The following ANKRD6 variants were observed in gnomAD, a reference collection of about 807,000 sequenced individuals.
ANKRD6 encodes ankyrin repeat domain-containing protein 6.
ANKRD6 carries 56 observed loss-of-function variants against 82.3 expected under a neutral mutation model. The ratio of observed to expected loss-of-function variants is 0.68; its 90% CI spans 0.55 to 0.85. The LOEUF (loss-of-function observed/expected upper bound fraction) is 0.85. ANKRD6 is among the 40% of genes least tolerant of loss of function. The pLI is 0.00. For missense variants in ANKRD6, 852 were observed against 907.6 expected, an observed-to-expected ratio of 0.94 and a Z score of 0.79; for synonymous variants, 347 against 352.1, an observed-to-expected ratio of 0.99 and a Z score of 0.16.
chr6:89,446,732 C>T (rs1352561266), intron 1 of ANKRD6, among the ~76,000 whole-genome samples: 1 of 152,194 alleles, frequency 6.6e-6, no homozygotes, highest in Non-Finnish European at 1.5e-5. Flanking sequence ...ACCCAAATCT[C>T]ATCTTGAACT....
intron 1 of ANKRD6, among the ~76,000 whole-genome samples, chr6:89,495,470 G>A (rs1339168044): frequency 2.0e-5 from 3 of 152,126 alleles, no homozygotes; most frequent in Admixed American, 2.0e-4. Context: ...CTCTTTTGAT[G>A]GGCTCACCTC....
intron 1 of ANKRD6, among the ~76,000 whole-genome samples, chr6:89,443,807 G>A (rs578063767): frequency 2.0e-5 from 3 of 152,222 alleles, no homozygotes; most frequent in Non-Finnish European, 4.4e-5. Flanking sequence ...TACCTGATAG[G>A]AGAGCTTGGA....
intron 2 of ANKRD6, 79 bp from the exon 3 acceptor site, chr6:89,595,837 C>T: frequency 1.7e-6 from 2 of 1,188,842 alleles, no homozygotes; most frequent in South Asian, 1.3e-5. Flanking sequence ...CTGTGCAAAC[C>T]TTGCTCTAGG....
intron 3 of ANKRD6, among the ~76,000 whole-genome samples, chr6:89,599,430 A>G (rs1411542664): frequency 2.0e-5 from 3 of 152,190 alleles, no homozygotes; most frequent in Non-Finnish European, 4.4e-5. Flanking sequence ...AGAGTGCTCT[A>G]CCTTTTCCCA....
intron 1 of ANKRD6, among the ~76,000 whole-genome samples, chr6:89,501,153 G>A (rs1348066385): frequency 2.6e-5 from 4 of 151,924 alleles, no homozygotes; most frequent in Non-Finnish European, 5.9e-5. Flanking sequence ...TCGTCATTGA[G>A]GTTTACTTGT....
intron 1 of ANKRD6, among the ~76,000 whole-genome samples, chr6:89,487,846 T>A (rs903658533): frequency 2.0e-5 from 3 of 152,240 alleles, no homozygotes; most frequent in South Asian, 2.1e-4. Flanking sequence ...AAATGATCTT[T>A]GGTAACATGA....
At position 89,623,271 on chromosome 6, in the gene ANKRD6, A is replaced by G. The variant is rs571518925; in HGVS notation, c.898-139A>G. ...TTAAGACCACCAAGCAGTGTTTCCT[A>G]TGTCTGAAATTTATGTTATTTGCAA... On this transcript the variant is annotated intron_variant, in intron 10 of 15. Coordinates refer to ENST00000339746, the MANE Select transcript of ANKRD6 (RefSeq NM_001242809.2). The G allele has an allele frequency of 3.4e-5, 40 of 1,182,856 alleles. No individual in the cohort carries two copies. In the Admixed American group the frequency reaches 8.5e-4, roughly 25 times the overall value. 73.3% of individuals were successfully genotyped at this position (1,182,856 alleles called of 1,614,324 possible). A position where few individuals can be genotyped will look rare whatever the true frequency, so the allele number is the denominator to read the frequency against.
rs1775796237 is a variant in ANKRD6, at chr6:89,474,213, A to G, written c.-144+40838A>G. Reference sequence around the variant, plus strand: ...TGCCTAGAGTGTGAACACACTGCCTATAGATTCTTCCAGAAAACCTCACAG... The same window carrying G: ...TGCCTAGAGTGTGAACACACTGCCTGTAGATTCTTCCAGAAAACCTCACAG... On this transcript the variant is annotated intron_variant, in intron 1 of 15. Coordinates refer to ENST00000339746, the MANE Select transcript of ANKRD6 (RefSeq NM_001242809.2). 2.0e-5 allele frequency among the ~76,000 whole-genome samples: 3 copies of G among 152,202 alleles called. No homozygotes were observed. The South Asian group carries it at 6.2e-4, about 31-fold the overall frequency.
chr6:89,502,559 A>G (rs1408512711), intron 1 of ANKRD6, among the ~76,000 whole-genome samples: 7 of 152,166 alleles, frequency 4.6e-5, no homozygotes, highest in Non-Finnish European at 2.9e-5. Flanking sequence ...ATCCCTATCT[A>G]CTAAAAGCTT....
intron 1 of ANKRD6, among the ~76,000 whole-genome samples, chr6:89,441,116 T>G (rs758151704): frequency 1.3e-5 from 2 of 152,192 alleles, no homozygotes; most frequent in Non-Finnish European, 2.9e-5. Flanking sequence ...TACTTCACTA[T>G]AGTGGGGATA....
chr6:89,508,891 C>T (rs1780190804), intron 1 of ANKRD6: 4 of 152,228 alleles, frequency 2.6e-5, no homozygotes, highest in Admixed American at 2.0e-4. Flanking sequence ...TTTGGCTCTC[C>T]ATGAACCACA....
chr6:89,502,587 A>G (rs1779384412), intron 1 of ANKRD6, among the ~76,000 whole-genome samples: 1 of 152,078 alleles, frequency 6.6e-6, no homozygotes, highest in South Asian at 2.1e-4. Flanking sequence ...AGTCTTATTT[A>G]TTTTTTAGAA....
intron 1 of ANKRD6, among the ~76,000 whole-genome samples, chr6:89,536,693 C>G (rs1415255753): frequency 6.6e-6 from 1 of 152,214 alleles, no homozygotes; most frequent in Non-Finnish European, 1.5e-5. Flanking sequence ...GTTGGAAGAG[C>G]AAACTGAATG....
chr6:89,455,606 G>A (rs547508951), intron 1 of ANKRD6, among the ~76,000 whole-genome samples: 15 of 152,168 alleles, frequency 9.9e-5, no homozygotes, highest in African/African-American at 3.6e-4. Flanking sequence ...GTTTAGCACC[G>A]TCCTCTTGGT....
intron 1 of ANKRD6, among the ~76,000 whole-genome samples, chr6:89,533,118 A>G (rs577226679): frequency 1.3e-5 from 2 of 151,166 alleles, no homozygotes; most frequent in African/African-American, 4.9e-5. Context: ...CTCGTGATCC[A>G]CCTCCCTCGG....
chr6:89,527,601 C>CAAAAAAAAAAAAAA, intron 1 of ANKRD6, among the ~76,000 whole-genome samples: 1 of 45,676 alleles, frequency 2.2e-5, no homozygotes, highest in Non-Finnish European at 3.8e-5. Flanking sequence ...GACTCCGTCT[C>CAAAAAAAAAAAAAA]AAAAAAAAAA....
intron 13 of ANKRD6, among the ~76,000 whole-genome samples, chr6:89,624,910 A>G (rs968457579): frequency 9.2e-5 from 14 of 152,208 alleles, no homozygotes; most frequent in Non-Finnish European, 2.9e-5. Context: ...AGATATCCCC[A>G]TTACAGAGCA....
intron 1 of ANKRD6, among the ~76,000 whole-genome samples, chr6:89,519,059 A>G (rs775030905): frequency 6.6e-6 from 1 of 152,096 alleles, no homozygotes; most frequent in Admixed American, 6.5e-5. Flanking sequence ...CCTCACCTTT[A>G]TGACCTCATT....
chr6:89,564,905 A>G (rs1583309413), intron 1 of ANKRD6, among the ~76,000 whole-genome samples: 2 of 152,166 alleles, frequency 1.3e-5, no homozygotes, highest in East Asian at 3.8e-4. Flanking sequence ...TTCATAAGTC[A>G]TGGCTAATAC....
Sources: gnomAD v4.1 joint callset for allele counts (sites outside exome capture counted in the v4.1 genomes callset) on GRCh38, gnomAD v4.1.1 for gene constraint, MANE v1.5 for transcripts, NCBI Gene and HGNC (gene_info 2026-07-23, HGNC 2026-07-21) for gene names.